Variants in DUSP22 observed in about 807,000 individuals in gnomAD.
DUSP22 encodes the protein dual specificity phosphatase 22.
Under a neutral mutation model 24.5 loss-of-function variants are expected in DUSP22, and 24 were observed. The ratio of observed to expected loss-of-function variants is 0.98; its 90% confidence interval spans 0.71 to 1.38. DUSP22 has a LOEUF of 1.38. Ranked by LOEUF, DUSP22 falls within the 40% of genes most tolerant of loss-of-function variation. The probability of loss-of-function intolerance (pLI) is 0.00; values close to 1 mark genes in which losing one functional copy is unlikely to be tolerated. For synonymous variants in DUSP22, 160 were observed against 106.4 expected (o/e 1.50, Z -3.10); for missense variants, 330 against 269.2 (o/e 1.23, Z -1.58).
At chr6:322,844 G>A (rs1368729670) in intron 3 of DUSP22, among the ~76,000 whole-genome samples, 1 of 138,130 alleles carries the variant, frequency 7.2e-6, no homozygotes, top group East Asian at 2.4e-4. Context: ...GCGGGGGGGG[G>A]CCTTCGAGTC....
At chr6:303,576 A>C (rs1757683055) in intron 1 of DUSP22, among the ~76,000 whole-genome samples, 1 of 152,308 alleles carries the variant, frequency 6.6e-6, no homozygotes, top group Non-Finnish European at 1.5e-5. Flanking sequence ...GGGGAGCTGC[A>C]GGGTTGGCAG....
chr6:304,386 G>A (rs1450848444), intron 1 of DUSP22, among the ~76,000 whole-genome samples: 1 of 152,306 alleles, frequency 6.6e-6, no homozygotes, highest in East Asian at 1.9e-4. Flanking sequence ...AGCACTGCAG[G>A]GCTGCAAATG....
intron 4 of DUSP22, among the ~76,000 whole-genome samples, chr6:337,620 T>C (rs1759415991): frequency 6.6e-6 from 1 of 152,296 alleles, no homozygotes; most frequent in Admixed American, 6.5e-5. Context: ...TAGCCCATAC[T>C]TTTTCTTTTT....
chr6:320,686 G>T (rs1277869926), intron 3 of DUSP22, among the ~76,000 whole-genome samples: 1 of 152,306 alleles, frequency 6.6e-6, no homozygotes, highest in Non-Finnish European at 1.5e-5. Flanking sequence ...AGCCTTATAG[G>T]ACTAGTGCGG....
chr6:298,184 G>A (rs1315219067), intron 1 of DUSP22, among the ~76,000 whole-genome samples: 1 of 152,310 alleles, frequency 6.6e-6, no homozygotes, highest in Non-Finnish European at 1.5e-5. Context: ...AGATGTTAAA[G>A]GCAGTGTTCT....
intron 3 of DUSP22, among the ~76,000 whole-genome samples, chr6:323,578 G>A (rs1318792036): frequency 2.0e-5 from 3 of 152,310 alleles, no homozygotes; most frequent in Non-Finnish European, 4.4e-5. Context: ...TCCGTGAGAG[G>A]TGCAGCCACT....
At chr6:337,019 A>T (rs1473461141) in intron 4 of DUSP22, 1 of 152,458 alleles carries the variant, frequency 6.6e-6, no homozygotes, top group African/African-American at 2.4e-5. Flanking sequence ...TTTAGAAGAA[A>T]AACTCAGATG....
intron 1 of DUSP22, among the ~76,000 whole-genome samples, chr6:294,363 C>G (rs1757230834): frequency 1.3e-5 from 2 of 151,752 alleles, no homozygotes; most frequent in Non-Finnish European, 3.0e-5. Context: ...GGGGAGGGGG[C>G]AAAGGGAGTA....
intron 1 of DUSP22, among the ~76,000 whole-genome samples, chr6:297,641 G>C (rs984210953): frequency 1.3e-5 from 2 of 152,306 alleles, no homozygotes; most frequent in African/African-American, 4.8e-5. Flanking sequence ...GATGTTGGCA[G>C]ATATCCCCTG....
chr6:310,134 T>A lies in DUSP22; in HGVS notation c.56-1746T>A, dbSNP rs1395265982. Among the ~76,000 whole-genome samples, 6 of 152,420 alleles carry A rather than the reference T, an allele frequency of 3.9e-5. No individual in the cohort carries two copies. The East Asian group carries it at 1.2e-3, about 29-fold the overall frequency. ...CACCACCACGCCCAGCTAATTTTTG[T>A]AATTTTAGTAGAGATGTGGTTTCGC... On this transcript the variant is annotated intron_variant, in intron 2 of 6. Coordinates refer to ENST00000419235, the MANE Select transcript of DUSP22 (RefSeq NM_001286555.3).
chr6:305,486 CAA>C (rs557583611), intron 2 of DUSP22, among the ~76,000 whole-genome samples: 302 of 152,316 alleles, frequency 2.0e-3, no homozygotes, highest in Middle Eastern at 0.01. Context: ...ACCTGGGAAA[CAA>C]GAGTGACAAT....
At chr6:296,650 T>C (rs1294144574) in intron 1 of DUSP22, among the ~76,000 whole-genome samples, 2 of 152,306 alleles carry the variant, frequency 1.3e-5, no homozygotes, top group Non-Finnish European at 2.9e-5. Flanking sequence ...CCTCACTGTC[T>C]ACTTATTAGT....
chr6:327,743 A>G (rs1758948997), intron 3 of DUSP22, among the ~76,000 whole-genome samples: 1 of 152,306 alleles, frequency 6.6e-6, no homozygotes, highest in Non-Finnish European at 1.5e-5. Context: ...TATGTCAGGG[A>G]GGTTTTACTG....
In DUSP22 at chr6:335,156, C is replaced by A. The variant is rs201346671; in HGVS notation, c.181C>A (p.Gln61Lys). ...CATCCCAGCAGCGGATTCACCATCT[C>A]AAAACCTGTAAGTTTCTTATTTCTG... ...LCIPAADSPS[Q>K]NLTRHFKESI... Residue 61 changes from glutamine (Q) to lysine (K), a missense_variant, in exon 4 of 7, where the codon CAA becomes AAA. Coordinates refer to ENST00000419235, the MANE Select transcript of DUSP22 (RefSeq NM_001286555.3). 3.1e-6 allele frequency: 5 copies of A among 1,613,774 alleles called. No homozygotes were observed. The highest frequency in any genetic ancestry group is 4.2e-6 in the Non-Finnish European group (5 of 1,179,640).
intron 3 of DUSP22, among the ~76,000 whole-genome samples, chr6:316,535 GA>G (rs1343712718): frequency 6.6e-6 from 1 of 152,304 alleles, no homozygotes; most frequent in Non-Finnish European, 1.5e-5. Context: ...GAGGGCTGGT[GA>G]AAACTCCTAT....
chr6:298,006 A>G (rs1318523633), intron 1 of DUSP22, among the ~76,000 whole-genome samples: 3 of 152,306 alleles, frequency 2.0e-5, no homozygotes, highest in African/African-American at 7.2e-5. Context: ...AGTCCCAGGC[A>G]GCTTGGAGAG....
At position 292,514 on chromosome 6, in the gene DUSP22, G is replaced by T. The variant is rs1757132621; in HGVS notation, c.-26G>T. The T allele has an allele frequency of 1.2e-6, 2 of 1,604,750 alleles. No individual in the cohort carries two copies. Among genetic ancestry groups the T allele is most frequent in the East Asian group, 2.3e-5 (1 of 43,734 alleles). Reference sequence around the variant, plus strand: ...AGTGCGCCTGCGACCACACGGCCGGGGCGCTAGCGTTCGCCTTCAGCCACC... The same window carrying T: ...AGTGCGCCTGCGACCACACGGCCGGTGCGCTAGCGTTCGCCTTCAGCCACC... On this transcript the variant is annotated 5_prime_UTR_variant, in exon 1 of 7. Transcript: ENST00000419235.
chr6:293,957 A>G (rs533336693), intron 1 of DUSP22, among the ~76,000 whole-genome samples: 1 of 152,414 alleles, frequency 6.6e-6, no homozygotes, highest in African/African-American at 2.4e-5. Flanking sequence ...GATGGTCATC[A>G]TAAGTCTGTG....
In DUSP22 at chr6:349,738, G is replaced by T. The variant is rs1227065566; in HGVS notation, c.*787G>T. 7 of 986,130 alleles carry T rather than the reference G, an allele frequency of 7.1e-6. No homozygotes were observed. The highest frequency in any genetic ancestry group is 8.4e-6 in the Non-Finnish European group (7 of 830,402). The allele number at this position is 986,130 out of a possible 1,614,324, so 61.1% of individuals were successfully genotyped here. On this transcript the variant is annotated 3_prime_UTR_variant, in exon 7 of 7. Coordinates refer to ENST00000419235, the MANE Select transcript of DUSP22 (RefSeq NM_001286555.3). ...TCTCAATGTGAATGCACCAGGCTGA[G>T]GGTTCCCTAGCGCCTTGAGTCAAGG...
Sources: allele counts gnomAD v4.1 joint callset (sites outside exome capture counted in the v4.1 genomes callset), GRCh38; gene constraint gnomAD v4.1.1; transcripts MANE v1.5; gene names NCBI Gene and HGNC (gene_info 2026-07-23, HGNC 2026-07-21).